DCAF5: variants seen among roughly 807,000 people sequenced by gnomAD.
DCAF5 encodes DDB1- and CUL4-associated factor 5.
In DCAF5, 9 loss-of-function variants were observed where a neutral mutation model predicts 80.7. The observed-to-expected ratio is 0.11, with a 90% CI of 0.07 to 0.19. DCAF5 has a LOEUF of 0.19. Ranked by LOEUF, DCAF5 falls within the 10% of genes least tolerant of loss-of-function variation. The probability of loss-of-function intolerance (pLI) is 1.00; values close to 1 mark genes in which losing one functional copy is unlikely to be tolerated. For synonymous variants in DCAF5, 433 were observed against 461.9 expected, an observed-to-expected ratio of 0.94 and a Z score of 0.80; for missense variants, 842 against 1,205.7, an observed-to-expected ratio of 0.70 and a Z score of 4.47.
At chr14:69,058,442 C>G (rs951591393) in intron 8 of DCAF5, among the ~76,000 whole-genome samples, 1 of 151,788 alleles carries the variant, frequency 6.6e-6, no homozygotes, top group African/African-American at 2.4e-5. Flanking sequence ...TTGCTTGAAC[C>G]CAGGAGGAAA....
At chr14:69,085,014 G>T (rs775540768) in intron 6 of DCAF5, 317 of 1,351,640 alleles carry the variant, frequency 2.3e-4, no homozygotes, top group Non-Finnish European at 3.2e-4. Flanking sequence ...ATGATCCAAG[G>T]TTCCATTAAG....
At chr14:69,092,659 G>A (rs1356549549) in intron 5 of DCAF5, among the ~76,000 whole-genome samples, 2 of 152,118 alleles carry the variant, frequency 1.3e-5, no homozygotes, top group East Asian at 3.9e-4. Flanking sequence ...TCGATAATTT[G>A]TCAATCATAA....
rs1459317304 is a variant in DCAF5 at position 69,054,170 on chromosome 14, G to A, written c.2516C>T (p.Pro839Leu). 1.9e-6 allele frequency: 3 copies of A among 1,614,154 alleles called. No individual in the cohort carries two copies. Among genetic ancestry groups the A allele is most frequent in the Non-Finnish European group, 2.5e-6 (3 of 1,180,060 alleles). Residue 839 changes from proline to leucine, a missense_variant, in exon 9 of 9, where the codon CCT (proline) becomes CTT (leucine). Physicochemically the swap from Pro to Leu is moderately conservative, Grantham distance 98 (BLOSUM62 -3). This residue lies in a region of DCAF5 where 607 missense variants were observed against 656.6 expected (regional missense o/e 0.92). Transcript: ENST00000341516. ...CANHNNGRLH[P>L]RPPHPHNNGQ... is the part of the protein sequence containing the mutation. ...GTTATTGTGAGGGTGAGGGGGACGA[G>A]GGTGTAAGCGTCCATTGTTGTGGTT...
At chr14:69,150,649 G>T (rs1449940843) in intron 1 of DCAF5, among the ~76,000 whole-genome samples, 3 of 151,856 alleles carry the variant, frequency 2.0e-5, no homozygotes, top group African/African-American at 7.3e-5. Context: ...CACTTTACGG[G>T]GTGAGGCAGG....
chr14:69,070,964 A>C (rs1052897797), intron 7 of DCAF5, among the ~76,000 whole-genome samples: 4 of 151,832 alleles, frequency 2.6e-5, no homozygotes, highest in African/African-American at 7.3e-5. Flanking sequence ...CACCTGGCTA[A>C]TTTTTGAATT....
At position 69,152,943 on chromosome 14, in the gene DCAF5, C is replaced by T. The variant is rs771007887; in HGVS notation, c.36G>A (p.Arg12=). ...GCTGGGACAAGAAGCCCACCACTGA[C>T]CTCATGCTGCCCCCCAGGCCAGCTC... ...KRRAGLGGSM[R]SVVGFLSQRG... The change falls in exon 1 of 9, where the codon AGG becomes AGA. Residue 12 remains arginine, a synonymous_variant. Transcript: ENST00000341516. The surrounding 1 kb of genome is among the most constrained non-coding windows in gnomAD (Gnocchi z 4.1). The T allele has an allele frequency of 3.7e-6, 6 of 1,612,654 alleles. No homozygotes were observed. In the East Asian group the frequency reaches 1.3e-4, roughly 36 times the overall value.
In DCAF5 at chr14:69,152,918, G is replaced by T. The variant is rs2041753234; in HGVS notation, c.61C>A (p.Arg21=). 1 of 1,613,590 alleles carries T rather than the reference G, an allele frequency of 6.2e-7. No homozygotes were observed. The highest frequency in any genetic ancestry group is 1.7e-5 in the Admixed American group (1 of 59,996). Reference sequence around the variant, plus strand: ...AGCAGGGGGTCCCCATGCAAGCCCCGCTGGGACAAGAAGCCCACCACTGAC... The same window carrying T: ...AGCAGGGGGTCCCCATGCAAGCCCCTCTGGGACAAGAAGCCCACCACTGAC... ...MRSVVGFLSQ[R]GLHGDPLLTQ... Residue 21 remains arginine (R), a synonymous_variant, in exon 1 of 9, where the codon CGG becomes AGG. Coordinates refer to ENST00000341516, the MANE Select transcript of DCAF5 (RefSeq NM_003861.3). This position sits in a 1 kb window ranked among gnomAD's most constrained non-coding sequence, Gnocchi z 4.1.
At chr14:69,068,358 A>G (rs940618808) in intron 7 of DCAF5, among the ~76,000 whole-genome samples, 12 of 152,230 alleles carry the variant, frequency 7.9e-5, no homozygotes, top group Admixed American at 3.9e-4. Flanking sequence ...TGGTAAGTAG[A>G]TTTAAGACAA....
intron 7 of DCAF5, among the ~76,000 whole-genome samples, chr14:69,073,563 C>T (rs945877331): frequency 2.6e-4 from 39 of 151,924 alleles, no homozygotes; most frequent in Middle Eastern, 3.4e-3. Flanking sequence ...TAAGGTGGGA[C>T]GATCACTTAA....
At chr14:69,111,715 C>T (rs1440666897) in intron 5 of DCAF5, among the ~76,000 whole-genome samples, 1 of 152,168 alleles carries the variant, frequency 6.6e-6, no homozygotes, top group Non-Finnish European at 1.5e-5. Flanking sequence ...ATAACTGGGA[C>T]ACTGGCAGTG....
chr14:69,065,221 T>G (rs1489268662), intron 7 of DCAF5, among the ~76,000 whole-genome samples: 1 of 150,370 alleles, frequency 6.7e-6, no homozygotes, highest in Non-Finnish European at 1.5e-5. Context: ...CTCAGCCTCC[T>G]GAGTAGCTGG....
At chr14:69,145,644 A>C (rs2041513481) in intron 1 of DCAF5, among the ~76,000 whole-genome samples, 1 of 150,058 alleles carries the variant, frequency 6.7e-6, no homozygotes, top group Admixed American at 6.7e-5. Flanking sequence ...ATTCAAATTA[A>C]TATTCAGTTA....
rs1366452851 is a variant in DCAF5, at chr14:69,112,591, G to GTA, written c.665+3773_665+3774dup. On this transcript the variant is annotated intron_variant, in intron 5 of 8. Transcript: ENST00000341516. The stretch of plus-strand genomic sequence containing the variant: ...GGGAAAGGGGAAGGATGATATATAT[G>GTA]TATACACACACACACACACACACAC... Among the ~76,000 whole-genome samples the GTA allele has an allele frequency of 5.7e-5, 5 of 87,076 alleles. No homozygotes were observed. In the South Asian group the frequency reaches 8.7e-4, roughly 15 times the overall value. 57.1% of individuals were successfully genotyped at this position (87,076 alleles called of 152,430 possible).
chr14:69,105,914 C>CTATATATATATATATATATATAT, intron 5 of DCAF5, among the ~76,000 whole-genome samples: 1 of 50,014 alleles, frequency 2.0e-5, no homozygotes, highest in East Asian at 2.6e-3. Flanking sequence ...AATAAACTGT[C>CTATATATATATATATATATATAT]ATATATATAT....
At chr14:69,076,050 A>G (rs2038886187) in intron 6 of DCAF5, among the ~76,000 whole-genome samples, 1 of 152,132 alleles carries the variant, frequency 6.6e-6, no homozygotes, top group African/African-American at 2.4e-5. Flanking sequence ...CATCACTAAT[A>G]ATTAGAAAAA....
intron 7 of DCAF5, among the ~76,000 whole-genome samples, chr14:69,074,907 GC>G: frequency 6.6e-6 from 1 of 152,012 alleles, no homozygotes; most frequent in Middle Eastern, 3.4e-3. Flanking sequence ...GGTGGCGTGT[GC>G]CTGTAATCCC....
chr14:69,068,817 G>A (rs74385359), intron 7 of DCAF5, among the ~76,000 whole-genome samples: 4 of 152,248 alleles, frequency 2.6e-5, no homozygotes, highest in Non-Finnish European at 5.9e-5. Context: ...CAGTTGCAGG[G>A]TCTTCCAGTG....
intron 5 of DCAF5, 32 bp downstream of exon 5, chr14:69,116,334 A>C (rs748418212): frequency 6.3e-7 from 1 of 1,590,034 alleles, no homozygotes; most frequent in South Asian, 1.1e-5. Flanking sequence ...GGCAGAGGAA[A>C]GTTTTAACAC....
intron 5 of DCAF5, among the ~76,000 whole-genome samples, chr14:69,113,122 G>C (rs998423195): frequency 3.3e-5 from 5 of 152,082 alleles, no homozygotes; most frequent in African/African-American, 1.2e-4. Flanking sequence ...ACCAAGTGGA[G>C]AGGTATAGTG....
Sources: allele counts gnomAD v4.1 joint callset (sites outside exome capture counted in the v4.1 genomes callset), GRCh38; gene constraint gnomAD v4.1.1; regional missense constraint gnomAD v4.1.1; non-coding constraint Gnocchi (gnomAD v3.1); transcripts MANE v1.5; gene names NCBI Gene and HGNC (gene_info 2026-07-23, HGNC 2026-07-21).